KHDRBS2: variants seen among roughly 807,000 people sequenced by gnomAD.
KHDRBS2 encodes KH domain-containing, RNA-binding, signal transduction-associated protein 2.
Under a neutral mutation model 44.3 loss-of-function variants are expected in KHDRBS2, and 26 were observed. The observed-to-expected ratio is 0.59, with a 90% CI of 0.43 to 0.81. The LOEUF (loss-of-function observed/expected upper bound fraction) is 0.81, where lower values mean the gene tolerates loss of function less well. Among genes scored for constraint, KHDRBS2 ranks in the 40% least tolerant of loss-of-function variants. The pLI is 0.00. For synonymous variants in KHDRBS2, 194 were observed against 151.1 expected (o/e 1.28, Z -2.08); for missense variants, 476 against 433.1 (o/e 1.10, Z -0.88).
the KHDRBS2 span, among the ~76,000 whole-genome samples, chr6:61,580,721 C>G: frequency 1.3e-5 from 2 of 152,222 alleles, no homozygotes; most frequent in Non-Finnish European, 2.9e-5. Flanking sequence ...AGCTGTAACA[C>G]TCGCTGTGAA....
chr6:61,993,057 C>T (rs897064160), intron 3 of KHDRBS2, among the ~76,000 whole-genome samples: 7 of 152,100 alleles, frequency 4.6e-5, no homozygotes, highest in Admixed American at 1.3e-4. Flanking sequence ...CAAAATTTCT[C>T]TTGGGCCCCG....
chr6:61,970,702 C>A (rs1771194456), intron 4 of KHDRBS2, among the ~76,000 whole-genome samples: 1 of 152,104 alleles, frequency 6.6e-6, no homozygotes, highest in African/African-American at 2.4e-5. Flanking sequence ...AGACTCAAAC[C>A]AACAAGGCCA....
intron 3 of KHDRBS2, among the ~76,000 whole-genome samples, chr6:61,994,646 T>C (rs1210221741): frequency 2.0e-5 from 3 of 152,196 alleles, no homozygotes; most frequent in Non-Finnish European, 4.4e-5. Flanking sequence ...ATATAATAAA[T>C]TCTGGTATGA....
At chr6:61,711,970 A>C (rs1458047327) in intron 7 of KHDRBS2, among the ~76,000 whole-genome samples, 1 of 151,804 alleles carries the variant, frequency 6.6e-6, no homozygotes, top group Non-Finnish European at 1.5e-5. Flanking sequence ...TGGCTGATCT[A>C]GGCTGGGCTT....
At chr6:62,236,102 C>T (rs1027167189) in intron 1 of KHDRBS2, among the ~76,000 whole-genome samples, 5 of 152,012 alleles carry the variant, frequency 3.3e-5, no homozygotes, top group Admixed American at 1.3e-4. Flanking sequence ...TTCTTGATTG[C>T]TAATTATTTT....
At chr6:62,175,249 T>C (rs1240344940) in intron 2 of KHDRBS2, among the ~76,000 whole-genome samples, 1 of 151,676 alleles carries the variant, frequency 6.6e-6, no homozygotes, top group Non-Finnish European at 1.5e-5. Context: ...AATATTCCTT[T>C]AAAAATAAAG....
chr6:61,897,855 G>A (rs1803212211), intron 5 of KHDRBS2, among the ~76,000 whole-genome samples: 1 of 151,996 alleles, frequency 6.6e-6, no homozygotes, highest in South Asian at 2.1e-4. Flanking sequence ...TTCTCAACGT[G>A]GTAAACAAAA....
chr6:61,943,842 C>G (rs896905765), intron 4 of KHDRBS2, among the ~76,000 whole-genome samples: 10 of 151,832 alleles, frequency 6.6e-5, no homozygotes, highest in African/African-American at 2.4e-4. Context: ...AAAAAATGGG[C>G]AAAGGACAAG....
chr6:61,773,337 C>A (rs1479426806), intron 6 of KHDRBS2, among the ~76,000 whole-genome samples: 3 of 152,052 alleles, frequency 2.0e-5, no homozygotes, highest in Non-Finnish European at 4.4e-5. Flanking sequence ...GCCATTCTAA[C>A]TGGTGTGAGA....
At chr6:61,908,133 A>C (rs1410812437) in intron 4 of KHDRBS2, among the ~76,000 whole-genome samples, 2 of 152,146 alleles carry the variant, frequency 1.3e-5, no homozygotes, top group Admixed American at 6.5e-5. Context: ...TGGTAATGAG[A>C]TAATTTATAC....
chr6:62,064,259 T>C lies in KHDRBS2; in HGVS notation c.220-16265A>G, dbSNP rs1293227709. On this transcript the variant is annotated intron_variant, in intron 2 of 8. Transcript: ENST00000281156. ...CCCATCAAGCTACCAATGACTTTCT[T>C]CACAGAATTGGAAAAAACTACTTTA... Among the ~76,000 whole-genome samples the C allele has an allele frequency of 4.7e-5, 7 of 148,180 alleles. No individual in the cohort carries two copies. The Admixed American group carries it at 4.8e-4, about 10-fold the overall frequency.
intron 4 of KHDRBS2, among the ~76,000 whole-genome samples, chr6:61,966,379 T>C (rs943873028): frequency 6.6e-6 from 1 of 152,080 alleles, no homozygotes; most frequent in Non-Finnish European, 1.5e-5. Flanking sequence ...TAGTTATGCA[T>C]TTTAATATTT....
chr6:62,062,971 C>G (rs1024879849), intron 2 of KHDRBS2, among the ~76,000 whole-genome samples: 1 of 151,058 alleles, frequency 6.6e-6, no homozygotes, highest in African/African-American at 2.4e-5. Flanking sequence ...CACAGAAATA[C>G]AAACTACCAT....
chr6:62,122,732 C>T (rs1000332784), intron 2 of KHDRBS2, among the ~76,000 whole-genome samples: 9 of 125,392 alleles, frequency 7.2e-5, no homozygotes, highest in East Asian at 2.1e-4. Context: ...GGACAGCTGC[C>T]GCAGCACTAC....
At chr6:61,726,688 T>G (rs1773626318) in intron 7 of KHDRBS2, among the ~76,000 whole-genome samples, 1 of 151,924 alleles carries the variant, frequency 6.6e-6, no homozygotes, top group Non-Finnish European at 1.5e-5. Flanking sequence ...ACAAAAAGAA[T>G]AAAATATCTA....
At chr6:61,572,825 A>G in the KHDRBS2 span, among the ~76,000 whole-genome samples, 1 of 152,192 alleles carries the variant, frequency 6.6e-6, no homozygotes, top group Non-Finnish European at 1.5e-5. Context: ...ACCTCAAGGT[A>G]ATAAAAGCCA....
rs188879800 is a variant in KHDRBS2, at chr6:61,741,309, A to C, written c.811-8545T>G. 2.8e-4 allele frequency among the ~76,000 whole-genome samples: 43 copies of C among 152,096 alleles called. No individual in the cohort carries two copies. In the East Asian group the frequency reaches 7.4e-3, roughly 26 times the overall value. ...TCTAGATAGAGCTTTTCTAATCAGTACTAGTTTATGGAGCCTAAGATATTT... is the reference window on the plus strand; with the variant it reads ...TCTAGATAGAGCTTTTCTAATCAGTCCTAGTTTATGGAGCCTAAGATATTT... On this transcript the variant is annotated intron_variant, in intron 6 of 8. Coordinates refer to ENST00000281156, the MANE Select transcript of KHDRBS2 (RefSeq NM_152688.4).
intron 1 of KHDRBS2, among the ~76,000 whole-genome samples, chr6:62,283,441 G>T (rs529250506): frequency 2.6e-5 from 4 of 152,030 alleles, no homozygotes; most frequent in Non-Finnish European, 5.9e-5. Context: ...TTATACTACT[G>T]CCTTTATATA....
chr6:62,121,589 A>G (rs1251315344), intron 2 of KHDRBS2, among the ~76,000 whole-genome samples: 2 of 152,238 alleles, frequency 1.3e-5, no homozygotes, highest in East Asian at 3.8e-4. Flanking sequence ...AACACCAACC[A>G]GAAGTAATCT....
Sources: gnomAD v4.1 joint callset for allele counts (sites outside exome capture counted in the v4.1 genomes callset) on GRCh38, gnomAD v4.1.1 for gene constraint, MANE v1.5 for transcripts, NCBI Gene and HGNC (gene_info 2026-07-23, HGNC 2026-07-21) for gene names.